Variants in PGAP4 observed in about 807,000 individuals in gnomAD.
PGAP4 encodes GPI-N-acetylgalactosamine transferase PGAP4.
PGAP4 carries 12 observed loss-of-function variants against 28.2 expected under a neutral mutation model. The observed-to-expected ratio is 0.42, with a 90% CI of 0.27 to 0.69. The LOEUF is 0.69. Among genes scored for constraint, PGAP4 ranks in the 30% least tolerant of loss-of-function variants. The pLI, the probability that PGAP4 is intolerant of heterozygous loss-of-function variation, is 0.22. For synonymous variants in PGAP4, 205 were observed against 211.8 expected (o/e 0.97, Z 0.28); for missense variants, 425 against 513.5 (o/e 0.83, Z 1.67).
At chr9:101,501,489 A>G (rs1221604871) in intron 2 of PGAP4, among the ~76,000 whole-genome samples, 1 of 152,004 alleles carries the variant, frequency 6.6e-6, no homozygotes, top group Non-Finnish European at 1.5e-5. Context: ...TTCAAGTTTC[A>G]GTTATTTATT....
At chr9:101,485,474 G>T (rs1252803964) in intron 1 of PGAP4, among the ~76,000 whole-genome samples, 1 of 152,104 alleles carries the variant, frequency 6.6e-6, no homozygotes, top group East Asian at 1.9e-4. Context: ...ACGTGACAAA[G>T]AATTACTACT....
intron 1 of PGAP4, among the ~76,000 whole-genome samples, chr9:101,483,304 G>C (rs12002693): frequency 0.19 from 28,864 of 152,010 alleles, 3,877 homozygotes; most frequent in African/African-American, 0.37. Flanking sequence ...TGTAGAGATC[G>C]ACTTATTTGT....
upstream of PGAP4, among the ~76,000 whole-genome samples, chr9:101,489,562 C>A (rs1001991577): frequency 3.9e-5 from 6 of 152,182 alleles, no homozygotes; most frequent in Admixed American, 3.3e-4. Flanking sequence ...GGACCTGTCA[C>A]TAATGGAATG....
intron 2 of PGAP4, among the ~76,000 whole-genome samples, chr9:101,496,699 A>T (rs563570458): frequency 2.0e-5 from 3 of 151,314 alleles, no homozygotes; most frequent in African/African-American, 7.2e-5. Flanking sequence ...GTTCTTTAAA[A>T]AAACCAAAAA....
intron 1 of PGAP4, among the ~76,000 whole-genome samples, chr9:101,484,359 T>C (rs1469375466): frequency 6.6e-6 from 1 of 151,982 alleles, no homozygotes; most frequent in Admixed American, 6.6e-5. Flanking sequence ...GAACAGATTT[T>C]TAGAGAATCA....
chr9:101,515,182 G>A (rs956054564), intron 2 of PGAP4, among the ~76,000 whole-genome samples: 9 of 152,160 alleles, frequency 5.9e-5, no homozygotes, highest in African/African-American at 2.2e-4. Context: ...TCCTTTTGAA[G>A]TCTGTGAAGA....
At chr9:101,508,475 A>G (rs932650443) in intron 2 of PGAP4, among the ~76,000 whole-genome samples, 2 of 152,150 alleles carry the variant, frequency 1.3e-5, no homozygotes, top group African/African-American at 4.8e-5. Flanking sequence ...CATAACAAAG[A>G]GGCTCCTATA....
chr9:101,494,025 T>A (rs943591385), intron 2 of PGAP4, among the ~76,000 whole-genome samples: 17 of 152,038 alleles, frequency 1.1e-4, no homozygotes, highest in African/African-American at 4.1e-4. Flanking sequence ...ATTGATCGTA[T>A]AAGAATTTTA....
rs767108589 is a variant in PGAP4 at position 101,476,093 on chromosome 9, T to A, written c.1000A>T (p.Thr334Ser). The change falls in exon 2 of 2, where the codon ACC (threonine) becomes TCC (serine). Residue 334 changes from threonine to serine, a missense_variant. Transcript: ENST00000374848. The surrounding 1 kb of genome is among the most constrained non-coding windows in gnomAD (Gnocchi z 7.0). ...GGTGCCGGGAAGAGCATGGCTGGGG[T>A]GCAACACTGAGAGGCAGGAACCACA... Reference protein sequence around the residue: ...YSVVPASQCCTPAMLFPAPAA... With the variant: ...YSVVPASQCCSPAMLFPAPAA... The A allele has an allele frequency of 5.5e-5, 89 of 1,613,078 alleles. 1 individual carries two copies. In the Admixed American group the frequency reaches 1.5e-3, roughly 27 times the overall value.
rs535949352 is a variant in PGAP4, at chr9:101,533,017, T to C, written c.-717A>G. ...TGCGAGACATACAGCTTTTCATTAA[T>C]AGGTTAGATTAATTACCGTCCTATC... is the stretch of plus-strand genomic sequence containing the variant. On this transcript the variant is annotated 5_prime_UTR_variant, in exon 1 of 4. Coordinates refer to the PGAP4 transcript ENST00000374851. 2.0e-5 allele frequency: 3 copies of C among 152,332 alleles called. 1 individual carries two copies. Among genetic ancestry groups the C allele is most frequent in the South Asian group, 4.1e-4 (2 of 4,834 alleles). The allele number at this position is 152,332 out of a possible 1,614,324, so 9.4% of individuals were successfully genotyped here. A position where few individuals can be genotyped will look rare whatever the true frequency, so the allele number is the denominator to read the frequency against.
chr9:101,495,700 G>A (rs1340795519), intron 2 of PGAP4, among the ~76,000 whole-genome samples: 2 of 150,174 alleles, frequency 1.3e-5, no homozygotes, highest in Non-Finnish European at 3.0e-5. Context: ...GGTTAAAAGG[G>A]TTATTTTTTT....
intron 2 of PGAP4, among the ~76,000 whole-genome samples, chr9:101,525,683 C>A (rs897441048): frequency 7.9e-6 from 1 of 125,802 alleles, no homozygotes; most frequent in African/African-American, 3.1e-5. Context: ...ACTCCAGCCT[C>A]GGCAACAGAG....
intron 1 of PGAP4, among the ~76,000 whole-genome samples, chr9:101,478,841 G>T (rs929801390): frequency 2.6e-5 from 4 of 152,198 alleles, no homozygotes; most frequent in African/African-American, 9.7e-5. Flanking sequence ...AGTGGACTGT[G>T]TTGTGAGCAA....
chr9:101,523,004 A>G (rs1264881416), intron 2 of PGAP4, among the ~76,000 whole-genome samples: 1 of 152,172 alleles, frequency 6.6e-6, no homozygotes, highest in African/African-American at 2.4e-5. Context: ...CACTCGACAC[A>G]AAATTATTGG....
intron 2 of PGAP4, among the ~76,000 whole-genome samples, chr9:101,511,987 G>C (rs902551847): frequency 1.3e-5 from 2 of 152,126 alleles, no homozygotes; most frequent in Non-Finnish European, 2.9e-5. Flanking sequence ...AAAACTCAAA[G>C]AAATGTGTAA....
Position 101,476,632 on chromosome 9 carries a change from TC to T in PGAP4, c.460del (p.Asp154MetfsTer55), listed in dbSNP as rs1354600276. On this transcript the variant is annotated frameshift_variant, in exon 2 of 2. Coordinates refer to ENST00000374848, the MANE Select transcript of PGAP4 (RefSeq NM_032342.3). LOFTEE classifies it high-confidence loss of function. The surrounding 1 kb of genome is among the most constrained non-coding windows in gnomAD (Gnocchi z 7.0). Reference sequence around the variant, plus strand: ...GACATACTTGGAGAGCAACTTGGCATCAAAATGGCTCACACTACGCTCCACG... The same window carrying T: ...GACATACTTGGAGAGCAACTTGGCATAAAATGGCTCACACTACGCTCCACG... ...CNVERSVSHF[D>X]AKLLSKYVPV... 6.2e-7 allele frequency: 1 copy of T among 1,614,168 alleles called. No homozygotes were observed. Among genetic ancestry groups the T allele is most frequent in the East Asian group, 2.2e-5 (1 of 44,872 alleles).
intron 2 of PGAP4, among the ~76,000 whole-genome samples, chr9:101,520,074 T>A (rs890156871): frequency 9.2e-5 from 14 of 152,246 alleles, no homozygotes; most frequent in African/African-American, 3.4e-4. Flanking sequence ...CACTGGTCTA[T>A]GTGCCTATTT....
chr9:101,519,612 T>G (rs921711657), intron 2 of PGAP4, among the ~76,000 whole-genome samples: 5 of 150,810 alleles, frequency 3.3e-5, no homozygotes, highest in African/African-American at 1.2e-4. Context: ...CTCTTTAATT[T>G]ATTATTTACT....
chr9:101,501,534 A>G (rs1826798920), intron 2 of PGAP4: 1 of 393,750 alleles, frequency 2.5e-6, no homozygotes, highest in South Asian at 2.0e-5. Context: ...TTACATCAAC[A>G]TGATTTCATG....
Sources: allele counts gnomAD v4.1 joint callset (sites outside exome capture counted in the v4.1 genomes callset), GRCh38; gene constraint gnomAD v4.1.1; non-coding constraint Gnocchi (gnomAD v3.1); transcripts MANE v1.5; gene names NCBI Gene and HGNC (gene_info 2026-07-23, HGNC 2026-07-21).